Variants in KIF20B observed in about 807,000 individuals in gnomAD.
The protein encoded by KIF20B is kinesin-like protein KIF20B.
KIF20B carries 188 observed loss-of-function variants against 232.5 expected under a neutral mutation model. The observed-to-expected ratio is 0.81, with a 90% CI of 0.72 to 0.91. The LOEUF is 0.91. KIF20B is among the 40% of genes least tolerant of loss of function. The probability of loss-of-function intolerance (pLI) is 0.00; values close to 1 mark genes in which losing one functional copy is unlikely to be tolerated. For synonymous variants in KIF20B, 712 were observed against 683.0 expected (o/e 1.04, Z -0.66); for missense variants, 2,154 against 2,055.9 (o/e 1.05, Z -0.92).
chr10:89,707,191 T>C (rs1222876081), intron 2 of KIF20B, among the ~76,000 whole-genome samples: 1 of 152,210 alleles, frequency 6.6e-6, no homozygotes, highest in African/African-American at 2.4e-5. Flanking sequence ...TTAGGCATAA[T>C]GAAACACTGC....
chr10:89,759,320 T>C (rs894232696), intron 27 of KIF20B, among the ~76,000 whole-genome samples: 9 of 152,072 alleles, frequency 5.9e-5, no homozygotes, highest in Non-Finnish European at 1.2e-4. Flanking sequence ...AGAGAGACAT[T>C]ATGAGTCATT....
chr10:89,737,057 A>C (rs1268830783), intron 19 of KIF20B, among the ~76,000 whole-genome samples: 1 of 152,092 alleles, frequency 6.6e-6, no homozygotes, highest in East Asian at 1.9e-4. Flanking sequence ...TTGAAATGAC[A>C]ATAAAGATTT....
intron 24 of KIF20B, among the ~76,000 whole-genome samples, chr10:89,751,860 T>C (rs1396833137): frequency 6.6e-6 from 1 of 152,030 alleles, no homozygotes; most frequent in Non-Finnish European, 1.5e-5. Context: ...ATCAGAGTTT[T>C]TCTAGAGTAT....
At position 89,774,127 on chromosome 10, in the gene KIF20B, T is replaced by C; in HGVS notation, c.*79T>C. The C allele has an allele frequency of 3.7e-6, 3 of 815,554 alleles. No homozygotes were observed. Among genetic ancestry groups the C allele is most frequent in the Non-Finnish European group, 5.8e-6 (3 of 519,356 alleles). The allele number at this position is 815,554 out of a possible 1,614,324, so 50.5% of individuals were successfully genotyped here. On this transcript the variant is annotated 3_prime_UTR_variant, in exon 33 of 33. Coordinates refer to ENST00000371728, the MANE Select transcript of KIF20B (RefSeq NM_001284259.2). The stretch of plus-strand genomic sequence containing the variant: ...GCATCCTGTATTGTAAATATAAATG[T>C]ATATATTATGCATTAAATCACTCTG...
chr10:89,719,657 A>T lies in KIF20B; in HGVS notation c.1673A>T (p.Asp558Val), dbSNP rs373446473. 22 of 1,611,834 alleles carry T rather than the reference A, an allele frequency of 1.4e-5. No homozygotes were observed. The African/African-American group carries it at 2.8e-4, about 21-fold the overall frequency. The change falls in exon 13 of 33, where the codon GAT becomes GTT. Residue 558 changes from aspartate (D) to valine (V), a missense_variant. Asp to Val is a radical substitution (Grantham distance 152). Transcript: ENST00000371728. Reference sequence around the variant, plus strand: ...ACTAAACTTCTTGATGAAGATCTAGATAAAACATTAGAGGAAAATAAGGCT... The same window carrying T: ...ACTAAACTTCTTGATGAAGATCTAGTTAAAACATTAGAGGAAAATAAGGCT... ...VETKLLDEDL[D>V]KTLEENKAFI...
intron 29 of KIF20B, among the ~76,000 whole-genome samples, chr10:89,767,345 C>T (rs563939386): frequency 2.7e-5 from 4 of 150,840 alleles, no homozygotes; most frequent in African/African-American, 7.3e-5. Flanking sequence ...CCCCACCCCC[C>T]GACAGGCTAT....
intron 14 of KIF20B, among the ~76,000 whole-genome samples, chr10:89,724,567 A>C (rs774112151): frequency 1.2e-4 from 19 of 152,216 alleles, no homozygotes; most frequent in Non-Finnish European, 2.5e-4. Flanking sequence ...AACTAATCCC[A>C]TGCATGGTTA....
chr10:89,718,674 T>A (rs766551370), intron 11 of KIF20B, 36 bp from the exon 12 acceptor site: 1 of 1,549,328 alleles, frequency 6.5e-7, no homozygotes, highest in Non-Finnish European at 8.8e-7. Context: ...GAGATGTTTT[T>A]TAACTTACAA....
At chr10:89,721,957 G>A (rs1453442637) in intron 13 of KIF20B, among the ~76,000 whole-genome samples, 2 of 152,004 alleles carry the variant, frequency 1.3e-5, no homozygotes, top group Admixed American at 1.3e-4. Context: ...TGTTACCTAG[G>A]CTGGAGTGCA....
At chr10:89,704,874 A>T (rs1842690420) in intron 1 of KIF20B, among the ~76,000 whole-genome samples, 1 of 152,192 alleles carries the variant, frequency 6.6e-6, no homozygotes, top group South Asian at 2.1e-4. Flanking sequence ...CTGAGTTTTA[A>T]CTTTTAAATG....
At position 89,754,800 on chromosome 10, in the gene KIF20B, A is replaced by G. The variant is rs1589878164; in HGVS notation, c.4503+127A>G. 5.1e-6 allele frequency: 3 copies of G among 587,778 alleles called. No individual in the cohort carries two copies. The East Asian group carries it at 9.7e-5, about 19-fold the overall frequency. The allele number at this position is 587,778 out of a possible 1,614,324, so 36.4% of individuals were successfully genotyped here. Reference sequence around the variant, plus strand: ...TTTTTAAAGGCAGGTTGTCATCTTTATAAGATAACTTCTGAGCCAATTTAT... The same window carrying G: ...TTTTTAAAGGCAGGTTGTCATCTTTGTAAGATAACTTCTGAGCCAATTTAT... On this transcript the variant is annotated intron_variant, in intron 26 of 32. Coordinates refer to ENST00000371728, the MANE Select transcript of KIF20B (RefSeq NM_001284259.2).
intron 1 of KIF20B, among the ~76,000 whole-genome samples, chr10:89,703,973 G>A (rs547346006): frequency 1.3e-5 from 2 of 152,032 alleles, no homozygotes; most frequent in South Asian, 2.1e-4. Context: ...GGAGGGTCTC[G>A]ATCTCCTGAC....
Position 89,774,571 on chromosome 10 carries a change from A to G in KIF20B, c.*523A>G, listed in dbSNP as rs1006485381. On this transcript the variant is annotated 3_prime_UTR_variant, in exon 33 of 33. Transcript: ENST00000371728. ...CATTTTGTGGGTACATAGTACATGT[A>G]TATATTTACGGGGTATGTGAGATGT... 3 of 152,026 alleles carry G rather than the reference A, an allele frequency of 2.0e-5. No homozygotes were observed. The highest frequency in any genetic ancestry group is 6.6e-5 in the Admixed American group (1 of 15,230). 9.4% of individuals were successfully genotyped at this position (152,026 alleles called of 1,614,324 possible). A position where few individuals can be genotyped will look rare whatever the true frequency, so the allele number is the denominator to read the frequency against.
rs573211938 is a variant in KIF20B, at chr10:89,756,565, T to C, written c.4503+1892T>C. Among the ~76,000 whole-genome samples, 22 of 152,304 alleles carry C rather than the reference T, an allele frequency of 1.4e-4. No individual in the cohort carries two copies. The South Asian group carries it at 4.6e-3, about 32-fold the overall frequency. ...ATTTTTGATGTAAAATTGTAACATA[T>C]AACATGGAAAGGAAATAGAACATAG... On this transcript the variant is annotated intron_variant, in intron 26 of 32. Transcript: ENST00000371728.
Position 89,762,723 on chromosome 10 carries a change from A to G in KIF20B, c.4877A>G (p.Gln1626Arg). ...TRFPKPELEI[Q>R]FTPLQPNKMA... is the part of the protein sequence containing the mutation. ...TTTCCAAAACCTGAGTTAGAGATTC[A>G]ATTTACACCTTTACAGCCAAACAAA... The change falls in exon 29 of 33, where the codon CAA (glutamine) becomes CGA (arginine). Residue 1626 changes from glutamine to arginine, a missense_variant. By Grantham distance (43) the Gln-to-Arg change is conservative. Transcript: ENST00000371728. The G allele has an allele frequency of 6.2e-7, 1 of 1,613,636 alleles. No homozygotes were observed.
Position 89,738,227 on chromosome 10 carries a change from A to G in KIF20B, c.3386A>G (p.Gln1129Arg), listed in dbSNP as rs904983259. The change falls in exon 20 of 33, where the codon CAA becomes CGA. Residue 1129 changes from glutamine (Q) to arginine (R), a missense_variant. Physicochemically the swap from Gln to Arg is conservative, Grantham distance 43. Transcript: ENST00000371728. ...TLIQQLKEEL[Q>R]EKNVTLDVQI... ...ATACAGCAGCTGAAAGAAGAATTGC[A>G]AGAAAAAAATGTTACTCTTGATGTT... 1 of 1,602,030 alleles carries G rather than the reference A, an allele frequency of 6.2e-7. No homozygotes were observed. The highest frequency in any genetic ancestry group is 1.4e-5 in the African/African-American group (1 of 73,998).
At chr10:89,762,120 G>A (rs1442519580) in intron 28 of KIF20B, among the ~76,000 whole-genome samples, 2 of 152,112 alleles carry the variant, frequency 1.3e-5, no homozygotes, top group African/African-American at 2.4e-5. Flanking sequence ...TCCTGAAAGT[G>A]TTCTAAGAGG....
intron 31 of KIF20B, among the ~76,000 whole-genome samples, chr10:89,771,323 C>T (rs995736745): frequency 6.6e-6 from 1 of 152,168 alleles, no homozygotes; most frequent in East Asian, 1.9e-4. Context: ...AAATGTCTGT[C>T]TAGTTCATAC....
chr10:89,744,509 TATG>T (rs1841871312), intron 22 of KIF20B, among the ~76,000 whole-genome samples: 1 of 152,190 alleles, frequency 6.6e-6, no homozygotes, highest in Admixed American at 6.5e-5. Flanking sequence ...GGTAGTGTAA[TATG>T]ATAACATTAA....
Sources: allele counts gnomAD v4.1 joint callset (sites outside exome capture counted in the v4.1 genomes callset), GRCh38; gene constraint gnomAD v4.1.1; transcripts MANE v1.5; gene names NCBI Gene and HGNC (gene_info 2026-07-23, HGNC 2026-07-21).